Variants in C1QTNF6 observed in about 807,000 individuals in gnomAD.
The protein encoded by C1QTNF6 is C1q and TNF related 6.
C1QTNF6 carries 17 observed loss-of-function variants against 20.7 expected under a neutral mutation model. The observed-to-expected ratio is 0.82, with a 90% CI of 0.56 to 1.23. The LOEUF is 1.23. Ranked by LOEUF, C1QTNF6 falls within the 50% of genes most tolerant of loss-of-function variation. The pLI, the probability that C1QTNF6 is intolerant of heterozygous loss-of-function variation, is 0.00. For synonymous variants in C1QTNF6, 130 were observed against 156.3 expected, an observed-to-expected ratio of 0.83 and a Z score of 1.25; for missense variants, 329 against 389.7, an observed-to-expected ratio of 0.84 and a Z score of 1.31.
In C1QTNF6 at chr22:37,186,193, T is replaced by C. The variant is rs1412837045; in HGVS notation, c.52-738A>G. On this transcript the variant is annotated intron_variant, in intron 1 of 2. Coordinates refer to ENST00000337843, the MANE Select transcript of C1QTNF6 (RefSeq NM_031910.4). ...ATACTGGGTCCTTGACTGCAGCCCA[T>C]TGCTAGTCTTTAGAGTGCCTTTGTG... The C allele has an allele frequency of 5.2e-6, 5 of 960,770 alleles. No individual in the cohort carries two copies. The Admixed American group carries it at 3.1e-4, about 59-fold the overall frequency. The allele number at this position is 960,770 out of a possible 1,614,324, so 59.5% of individuals were successfully genotyped here.
At chr22:37,199,334 G>C (rs536977952), upstream of C1QTNF6, 2 of 152,446 alleles carry the variant, frequency 1.3e-5, no homozygotes, top group South Asian at 4.1e-4. Flanking sequence ...ATCCACGACA[G>C]CGCCACGGGC....
chr22:37,197,966 T>G (rs181243584), upstream of C1QTNF6: 6 of 152,386 alleles, frequency 3.9e-5, no homozygotes, highest in Admixed American at 2.0e-4. Flanking sequence ...CAGATAAACA[T>G]GAGGAGGCCA....
chr22:37,185,168 G>A, intron 2 of C1QTNF6, 50 bp downstream of exon 2: 2 of 1,504,976 alleles, frequency 1.3e-6, no homozygotes, highest in South Asian at 1.3e-5. Flanking sequence ...CTCCACCTCA[G>A]CTCCCTGGCC....
upstream of C1QTNF6, chr22:37,199,319 C>G (rs569512313): frequency 2.0e-5 from 3 of 152,456 alleles, no homozygotes; most frequent in East Asian, 5.8e-4. Flanking sequence ...AAGCGGAACC[C>G]CTACATCCAC....
At chr22:37,198,933 G>GCGACA (rs1925320338), upstream of C1QTNF6, among the ~76,000 whole-genome samples, 1 of 152,226 alleles carries the variant, frequency 6.6e-6, no homozygotes, top group African/African-American at 2.4e-5. Flanking sequence ...TCCCCGTCCT[G>GCGACA]GGCTTTCAGG....
upstream of C1QTNF6, among the ~76,000 whole-genome samples, chr22:37,188,673 G>A (rs1205327008): frequency 6.6e-6 from 1 of 152,222 alleles, no homozygotes; most frequent in Non-Finnish European, 1.5e-5. Context: ...GGCCCTCCAG[G>A]CACAGGCTAG....
upstream of C1QTNF6, among the ~76,000 whole-genome samples, chr22:37,198,871 C>A (rs1441054938): frequency 1.3e-5 from 2 of 152,192 alleles, no homozygotes; most frequent in Non-Finnish European, 2.9e-5. Context: ...ACCGACTCCC[C>A]CACGTTGAAC....
At chr22:37,183,458 C>G (rs229523) in intron 2 of C1QTNF6, among the ~76,000 whole-genome samples, 7 of 152,224 alleles carry the variant, frequency 4.6e-5, no homozygotes, top group African/African-American at 1.7e-4. Flanking sequence ...TCTACAATGG[C>G]CCCCAGGCAG....
In C1QTNF6 at chr22:37,196,993, G is replaced by C. The variant is rs530062418; in HGVS notation, n.146+610C>G. 6 of 152,350 alleles carry C rather than the reference G, an allele frequency of 3.9e-5. No individual in the cohort carries two copies. The East Asian group carries it at 1.2e-3, about 29-fold the overall frequency. 9.4% of individuals were successfully genotyped at this position (152,350 alleles called of 1,614,324 possible). The stretch of plus-strand genomic sequence containing the variant: ...TCTGATTCTTTCATCTGACCAGCAG[G>C]GACACTGTGGCCCAGGGAGGATTTA... On this transcript the variant is annotated intron_variant and non_coding_transcript_variant, in intron 1 of 4. Coordinates refer to the C1QTNF6 transcript ENST00000467564.
chr22:37,199,361 T>C (rs578077953), upstream of C1QTNF6: 172 of 152,482 alleles, frequency 1.1e-3, no homozygotes, highest in Middle Eastern at 3.4e-3. Context: ...GACGAGGACC[T>C]GCCTCTCTGG....
Position 37,184,411 on chromosome 22 carries a change from T to TGGAAGGGAAGCGAG in C1QTNF6, c.289+793_289+806dup. 1.4e-6 allele frequency: 1 copy of TGGAAGGGAAGCGAG among 717,236 alleles called. No homozygotes were observed. Among genetic ancestry groups the TGGAAGGGAAGCGAG allele is most frequent in the Non-Finnish European group, 2.6e-6 (1 of 385,016 alleles). The allele number at this position is 717,236 out of a possible 1,614,324, so 44.4% of individuals were successfully genotyped here. On this transcript the variant is annotated intron_variant, in intron 2 of 2. Transcript: ENST00000337843. The surrounding 1 kb of genome is among the most constrained non-coding windows in gnomAD (Gnocchi z 4.0). ...GTCACAGCCGTCAGCCACCACAGCC[T>TGGAAGGGAAGCGAG]GGAAGGGAAGCGAGTCCTTCCACGT...
intron 1 of C1QTNF6, chr22:37,185,937 G>C (rs1352846420): frequency 6.1e-6 from 6 of 986,046 alleles, no homozygotes; most frequent in African/African-American, 1.7e-5. Flanking sequence ...CCGGGCAGGA[G>C]GACTGAGGTT....
upstream of C1QTNF6, among the ~76,000 whole-genome samples, chr22:37,189,417 C>G (rs1266571731): frequency 6.6e-6 from 1 of 152,160 alleles, no homozygotes; most frequent in Non-Finnish European, 1.5e-5. Flanking sequence ...CCTGGCAGGT[C>G]TTAGCCTCAT....
upstream of C1QTNF6, chr22:37,197,983 T>A (rs1925249603): frequency 6.6e-6 from 1 of 152,276 alleles, no homozygotes; most frequent in African/African-American, 2.4e-5. Context: ...GCCAGGACCA[T>A]CGGGGCCGAC....
chr22:37,191,997 T>G (rs1278067546), upstream of C1QTNF6, among the ~76,000 whole-genome samples: 1 of 151,950 alleles, frequency 6.6e-6, no homozygotes, highest in Non-Finnish European at 1.5e-5. Flanking sequence ...GTTATACTTT[T>G]ATTCCATATT....
At position 37,180,632 on chromosome 22, in the gene C1QTNF6, T is replaced by C. The variant is rs1164544127; in HGVS notation, c.*1556A>G. ...GACGAGGAGCTGCCCACCCGGGCCT[T>C]AGCACCTTGATAAAGCCTGGAGAGT... On this transcript the variant is annotated 3_prime_UTR_variant, in exon 3 of 3. Transcript: ENST00000337843. The C allele has an allele frequency of 2.0e-5, 3 of 152,524 alleles. No individual in the cohort carries two copies. Among genetic ancestry groups the C allele is most frequent in the Non-Finnish European group, 4.4e-5 (3 of 68,284 alleles). 9.4% of individuals were successfully genotyped at this position (152,524 alleles called of 1,614,324 possible).
upstream of C1QTNF6, among the ~76,000 whole-genome samples, chr22:37,191,088 G>A (rs1183959356): frequency 2.0e-5 from 3 of 152,050 alleles, no homozygotes; most frequent in Admixed American, 2.0e-4. Context: ...CTTTTTCTCT[G>A]CATTTAAGAG....
In C1QTNF6 at chr22:37,182,576, C is replaced by A. The variant is rs755754179; in HGVS notation, c.449G>T (p.Arg150Leu). 6.2e-7 allele frequency: 1 copy of A among 1,614,100 alleles called. No individual in the cohort carries two copies. The highest frequency in any genetic ancestry group is 1.1e-5 in the South Asian group (1 of 91,090). ...QKRFFAFSVG[R>L]KTALHSGEDF... ...CTCGCCGCTGTGCAGGGCCGTCTTGCGGCCCACTGAGAAGGCGAAGAAGCG... is the reference window on the plus strand; with the variant it reads ...CTCGCCGCTGTGCAGGGCCGTCTTGAGGCCCACTGAGAAGGCGAAGAAGCG... The change falls in exon 3 of 3, where the codon CGC becomes CTC. Residue 150 changes from arginine to leucine, a missense_variant. Transcript: ENST00000337843.
rs6000597 is a variant in C1QTNF6, at chr22:37,181,298, C to T, written c.*890G>A. The T allele has an allele frequency of 7.3e-3, 1,114 of 152,494 alleles. 20 individuals are homozygous for T. Among genetic ancestry groups the T allele is most frequent in the African/African-American group, 0.025 (1,034 of 41,538 alleles). The allele number at this position is 152,494 out of a possible 1,614,324, so 9.4% of individuals were successfully genotyped here. ...AGTGTTTAATGAATGAATAAATGAA[C>T]GGTGGCTGCAGTGGTGCAGGCCTGA... On this transcript the variant is annotated 3_prime_UTR_variant, in exon 3 of 3. Transcript: ENST00000337843.
Sources: gnomAD v4.1 joint callset for allele counts (sites outside exome capture counted in the v4.1 genomes callset) on GRCh38, gnomAD v4.1.1 for gene constraint, Gnocchi (gnomAD v3.1) non-coding constraint, MANE v1.5 for transcripts, NCBI Gene and HGNC (gene_info 2026-07-23, HGNC 2026-07-21) for gene names.